The following ARPC2 variants were observed in gnomAD, a reference collection of about 807,000 sequenced individuals.
ARPC2 encodes the protein actin related protein 2/3 complex subunit 2, also known as actin-related protein 2/3 complex subunit 2.
Under a neutral mutation model 38.6 loss-of-function variants are expected in ARPC2, and 4 were observed. The observed-to-expected ratio is 0.10, with a 90% CI of 0.05 to 0.24. The LOEUF is 0.24. Among genes scored for constraint, ARPC2 ranks in the 10% least tolerant of loss-of-function variants. ARPC2 has a pLI of 1.00. For synonymous variants in ARPC2, 125 were observed against 140.8 expected (o/e 0.89, Z 0.79); for missense variants, 229 against 387.3 (o/e 0.59, Z 3.43).
chr2:218,231,444 C>T (rs1689631457), intron 4 of ARPC2, among the ~76,000 whole-genome samples: 1 of 152,134 alleles, frequency 6.6e-6, no homozygotes, highest in South Asian at 2.1e-4. Flanking sequence ...AACTAAATCC[C>T]CACCACATCT....
intron 4 of ARPC2, among the ~76,000 whole-genome samples, chr2:218,231,517 A>G: frequency 6.6e-6 from 1 of 152,220 alleles, no homozygotes; most frequent in East Asian, 1.9e-4. Flanking sequence ...CAGAGGTCGC[A>G]TGCTGTTTCA....
At chr2:218,231,883 C>T (rs747971440) in intron 4 of ARPC2, among the ~76,000 whole-genome samples, 2 of 152,058 alleles carry the variant, frequency 1.3e-5, no homozygotes, top group Admixed American at 6.5e-5. Flanking sequence ...GCAGGAGCAT[C>T]GCTTGAGGTC....
intron 2 of ARPC2, among the ~76,000 whole-genome samples, chr2:218,217,832 C>T (rs1689290715): frequency 6.6e-6 from 1 of 152,200 alleles, no homozygotes; most frequent in African/African-American, 2.4e-5. Flanking sequence ...GGAGCCGGAA[C>T]TCGCTCCGGA....
intron 7 of ARPC2, among the ~76,000 whole-genome samples, chr2:218,244,330 T>G (rs1168321172): frequency 2.0e-5 from 3 of 152,168 alleles, no homozygotes. Flanking sequence ...TGCCACTAAT[T>G]GTCGAGAGGG....
intron 2 of ARPC2, among the ~76,000 whole-genome samples, chr2:218,225,676 G>GT (rs2106145079): frequency 6.6e-6 from 1 of 152,306 alleles, no homozygotes; most frequent in South Asian, 2.1e-4. Context: ...TCAACAGCAG[G>GT]TGAAAAACAA....
chr2:218,241,137 G>C (rs1022914763), intron 7 of ARPC2, among the ~76,000 whole-genome samples: 5 of 152,152 alleles, frequency 3.3e-5, no homozygotes, highest in African/African-American at 1.2e-4. Flanking sequence ...TCCTTGGCAG[G>C]GTGGTAAAGA....
intron 7 of ARPC2, among the ~76,000 whole-genome samples, chr2:218,242,178 A>G (rs1446171022): frequency 2.0e-5 from 3 of 152,196 alleles, no homozygotes; most frequent in African/African-American, 7.2e-5. Flanking sequence ...CCTCTCAGAA[A>G]AAGACAGGAA....
chr2:218,237,545 TGAG>T (rs1431315036), intron 5 of ARPC2, among the ~76,000 whole-genome samples: 12 of 149,972 alleles, frequency 8.0e-5, no homozygotes, highest in Non-Finnish European at 1.6e-4. Context: ...TTTTAACAGA[TGAG>T]GAAATTAACA....
At chr2:218,242,881 A>G (rs1287618472) in intron 7 of ARPC2, among the ~76,000 whole-genome samples, 1 of 152,158 alleles carries the variant, frequency 6.6e-6, no homozygotes, top group Non-Finnish European at 1.5e-5. Flanking sequence ...TCTGTGATTA[A>G]GAGTTGAAAT....
At chr2:218,249,312 C>G in intron 8 of ARPC2, 52 bp from the exon 9 acceptor site, 16 of 1,326,670 alleles carry the variant, frequency 1.2e-5, no homozygotes, top group Non-Finnish European at 1.6e-5. Context: ...CTTCCCCACC[C>G]TTTGGCATTT....
At position 218,234,478 on chromosome 2, in the gene ARPC2, A is replaced by G. The variant is rs1054533004; in HGVS notation, c.268+81A>G. The G allele has an allele frequency of 1.5e-5, 17 of 1,127,504 alleles. No individual in the cohort carries two copies. In the African/African-American group the frequency reaches 2.7e-4, roughly 18 times the overall value. 69.8% of individuals were successfully genotyped at this position (1,127,504 alleles called of 1,614,324 possible). ...ATATTATGCTTTTTTTACCCAAAGG[A>G]TTTCGTTTAAATATTATTACAAATA... is the stretch of plus-strand genomic sequence containing the variant. On this transcript the variant is annotated intron_variant, in intron 5 of 10. Coordinates refer to ENST00000315717, the MANE Select transcript of ARPC2 (RefSeq NM_152862.3).
At chr2:218,235,099 C>A in intron 5 of ARPC2, 1 of 295,566 alleles carries the variant, frequency 3.4e-6, no homozygotes, top group Non-Finnish European at 6.7e-6. Context: ...AACTTTGGTA[C>A]CTTGATTAGA....
At chr2:218,247,927 A>G (rs1477108526) in intron 8 of ARPC2, among the ~76,000 whole-genome samples, 1 of 148,336 alleles carries the variant, frequency 6.7e-6, no homozygotes, top group Non-Finnish European at 1.5e-5. Context: ...TGGGCGACAG[A>G]ACAAGACTCC....
intron 2 of ARPC2, among the ~76,000 whole-genome samples, chr2:218,220,661 C>G (rs1315219993): frequency 1.3e-5 from 2 of 151,776 alleles, no homozygotes; most frequent in Non-Finnish European, 2.9e-5. Context: ...GATCTTCTCA[C>G]CAGTGGCCTC....
chr2:218,225,189 A>C (rs1339845308), intron 2 of ARPC2, among the ~76,000 whole-genome samples: 4 of 152,226 alleles, frequency 2.6e-5, no homozygotes, highest in Non-Finnish European at 5.9e-5. Flanking sequence ...GCAAAGGTGT[A>C]AGGGTATTTG....
intron 5 of ARPC2, chr2:218,235,444 C>T (rs1249966187): frequency 6.6e-6 from 1 of 152,278 alleles, no homozygotes; most frequent in Non-Finnish European, 1.5e-5. Context: ...GCAATCTACC[C>T]ACCTCAGCCT....
At chr2:218,240,035 A>G (rs1574588412) in intron 7 of ARPC2, among the ~76,000 whole-genome samples, 1 of 151,194 alleles carries the variant, frequency 6.6e-6, no homozygotes. Context: ...GCTCACTGCA[A>G]CCTCCGCTTC....
chr2:218,233,259 AG>A (rs1266095502), intron 4 of ARPC2: 2 of 152,154 alleles, frequency 1.3e-5, no homozygotes, highest in Non-Finnish European at 2.9e-5. Flanking sequence ...AGGCTGAGGC[AG>A]GAGAATCGCT....
chr2:218,252,336 C>A (rs1690212096), intron 10 of ARPC2, among the ~76,000 whole-genome samples: 1 of 152,204 alleles, frequency 6.6e-6, no homozygotes, highest in Non-Finnish European at 1.5e-5. Flanking sequence ...AGCATCGTTT[C>A]TTTTCTGCAG....
Sources: allele counts gnomAD v4.1 joint callset (sites outside exome capture counted in the v4.1 genomes callset), GRCh38; gene constraint gnomAD v4.1.1; transcripts MANE v1.5; gene names NCBI Gene and HGNC (gene_info 2026-07-23, HGNC 2026-07-21).